CASR: variants seen among roughly 807,000 people sequenced by gnomAD.
The protein encoded by CASR is extracellular calcium-sensing receptor.
A neutral mutation model predicts 69.1 loss-of-function variants in CASR; 23 were observed. The observed-to-expected ratio is 0.33, with a 90% CI of 0.24 to 0.47. CASR has a LOEUF of 0.47. Ranked by LOEUF, CASR falls within the 20% of genes least tolerant of loss-of-function variation. CASR has a pLI of 1.00. For missense variants in CASR, 924 were observed against 1,356.1 expected (o/e 0.68, Z 5.00); for synonymous variants, 541 against 544.7 (o/e 0.99, Z 0.10).
In CASR at chr3:122,254,210, C is replaced by G. The variant is rs1381043518; in HGVS notation, c.21C>G (p.Cys7Trp). The part of the protein sequence containing the change: MAFYSC[C>W]WVLLALTWHT... The stretch of plus-strand genomic sequence containing the variant: ...GAACCATGGCATTTTATAGCTGCTG[C>G]TGGGTCCTCTTGGCACTCACCTGGC... Residue 7 changes from cysteine (C) to tryptophan (W), a missense_variant, in exon 2 of 7, where the codon TGC (cysteine) becomes TGG (tryptophan). Around this residue, in one of 8 missense-constraint regions of CASR, gnomAD observed 28 missense variants for 22.1 expected, o/e 1.27. Coordinates refer to ENST00000639785, the MANE Select transcript of CASR (RefSeq NM_000388.4). 3 of 1,613,340 alleles carry G rather than the reference C, an allele frequency of 1.9e-6. No individual in the cohort carries two copies. In the South Asian group the frequency reaches 3.3e-5, roughly 18 times the overall value.
intron 1 of CASR, among the ~76,000 whole-genome samples, chr3:122,237,959 G>T (rs1222459788): frequency 6.6e-6 from 1 of 152,138 alleles, no homozygotes; most frequent in Non-Finnish European, 1.5e-5. Context: ...TCACAAAAAG[G>T]CATGTTTAAG....
chr3:122,247,046 A>G (rs546401985), intron 1 of CASR: 1 of 152,198 alleles, frequency 6.6e-6, no homozygotes, highest in Non-Finnish European at 1.5e-5. Context: ...AGGGGCAGAC[A>G]TATCTCCCCA....
rs980627804 is a variant in CASR, at chr3:122,191,718, A to G, written c.-243+7906A>G. On this transcript the variant is annotated intron_variant, in intron 1 of 6. Coordinates refer to ENST00000639785, the MANE Select transcript of CASR (RefSeq NM_000388.4). ...CAAAAGGTTCAAATTTGTGAATATAAAGAACTCATAGAATTTAATAGGAAG... is the reference window on the plus strand; with the variant it reads ...CAAAAGGTTCAAATTTGTGAATATAGAGAACTCATAGAATTTAATAGGAAG... Among the ~76,000 whole-genome samples, 4 of 152,374 alleles carry G rather than the reference A, an allele frequency of 2.6e-5. No homozygotes were observed. The South Asian group carries it at 8.3e-4, about 32-fold the overall frequency.
intron 4 of CASR, among the ~76,000 whole-genome samples, chr3:122,266,871 G>T (rs1287553028): frequency 2.6e-5 from 4 of 152,238 alleles, no homozygotes; most frequent in Non-Finnish European, 1.5e-5. Context: ...GGGTGTGGTG[G>T]CAGGCACCTG....
intron 1 of CASR, among the ~76,000 whole-genome samples, chr3:122,207,498 T>C (rs1478459799): frequency 1.3e-5 from 2 of 152,002 alleles, no homozygotes; most frequent in Non-Finnish European, 2.9e-5. Flanking sequence ...GAAATAAAAC[T>C]AGAAATCAAT....
At chr3:122,234,815 G>A (rs186361536) in intron 1 of CASR, among the ~76,000 whole-genome samples, 2 of 152,326 alleles carry the variant, frequency 1.3e-5, no homozygotes, top group African/African-American at 4.8e-5. Flanking sequence ...TGTTCCTCCG[G>A]ACCAGCTTCG....
intron 4 of CASR, among the ~76,000 whole-genome samples, chr3:122,273,423 A>G (rs1394410133): frequency 2.0e-5 from 3 of 152,202 alleles, no homozygotes; most frequent in Non-Finnish European, 4.4e-5. Flanking sequence ...TATAGTATGT[A>G]TTAAGTATTA....
At chr3:122,244,280 T>C (rs886696536) in intron 1 of CASR, among the ~76,000 whole-genome samples, 2 of 152,026 alleles carry the variant, frequency 1.3e-5, no homozygotes, top group Non-Finnish European at 2.9e-5. Context: ...TATCAAAATA[T>C]CTCAGGTACC....
At position 122,216,418 on chromosome 3, in the gene CASR, G is replaced by A. The variant is rs994501903; in HGVS notation, c.-243+32606G>A. On this transcript the variant is annotated intron_variant, in intron 1 of 6. Transcript: ENST00000639785. The stretch of plus-strand genomic sequence containing the variant: ...GCTTCCTGCAACCTGTGTGGCAAAT[G>A]ACTTCAGTCTGGGGTGTCTATGGAA... 2.0e-5 allele frequency among the ~76,000 whole-genome samples: 3 copies of A among 152,182 alleles called. No homozygotes were observed. In the East Asian group the frequency reaches 5.8e-4, roughly 29 times the overall value.
At chr3:122,189,154 C>T (rs1222637282) in intron 1 of CASR, among the ~76,000 whole-genome samples, 10 of 152,236 alleles carry the variant, frequency 6.6e-5, no homozygotes, top group African/African-American at 2.2e-4. Context: ...AGATCAGCCT[C>T]TGCCGTGGAC....
chr3:122,274,568 C>G (rs2074794015), intron 4 of CASR, among the ~76,000 whole-genome samples: 1 of 152,046 alleles, frequency 6.6e-6, no homozygotes, highest in African/African-American at 2.4e-5. Flanking sequence ...AAATGTTGTC[C>G]CAGTGTGAGA....
At chr3:122,279,835 G>T (rs1015067251) in intron 5 of CASR, among the ~76,000 whole-genome samples, 1 of 152,048 alleles carries the variant, frequency 6.6e-6, no homozygotes, top group African/African-American at 2.4e-5. Context: ...ACATGTGCAG[G>T]ATGTGCAGGT....
intron 1 of CASR, among the ~76,000 whole-genome samples, chr3:122,240,665 C>T (rs2074371168): frequency 6.6e-6 from 1 of 152,172 alleles, no homozygotes; most frequent in Non-Finnish European, 1.5e-5. Flanking sequence ...ACTTAATCTG[C>T]AGTATGAAAC....
intron 1 of CASR, among the ~76,000 whole-genome samples, chr3:122,198,138 A>T (rs2073907879): frequency 6.6e-6 from 1 of 152,218 alleles, no homozygotes; most frequent in Non-Finnish European, 1.5e-5. Flanking sequence ...CTATTAAAAA[A>T]GTTTAGATGA....
chr3:122,270,904 A>G (rs2074750421), intron 4 of CASR, among the ~76,000 whole-genome samples: 2 of 152,304 alleles, frequency 1.3e-5, no homozygotes, highest in South Asian at 4.1e-4. Context: ...AACTTGCTTT[A>G]TAATCCAGAA....
At chr3:122,218,574 TA>T (rs1288069477) in intron 1 of CASR, among the ~76,000 whole-genome samples, 2 of 145,508 alleles carry the variant, frequency 1.4e-5, no homozygotes, top group Non-Finnish European at 3.0e-5. Flanking sequence ...ATTTACAAGG[TA>T]AAATCCACAA....
intron 6 of CASR, among the ~76,000 whole-genome samples, chr3:122,282,623 T>C (rs939768321): frequency 1.3e-4 from 20 of 152,230 alleles, no homozygotes; most frequent in African/African-American, 4.6e-4. Context: ...ACTTGTGTTT[T>C]TCCTGTTTCT....
chr3:122,211,126 A>G (rs895653153), intron 1 of CASR, among the ~76,000 whole-genome samples: 1 of 152,236 alleles, frequency 6.6e-6, no homozygotes, highest in Non-Finnish European at 1.5e-5. Flanking sequence ...ACCTAAAACT[A>G]TCAAAACCCT....
At chr3:122,201,323 T>G (rs2073948747) in intron 1 of CASR, among the ~76,000 whole-genome samples, 1 of 152,174 alleles carries the variant, frequency 6.6e-6, no homozygotes, top group Non-Finnish European at 1.5e-5. Flanking sequence ...GGGGGTAAGG[T>G]CATAGATCAA....
Sources: allele counts gnomAD v4.1 joint callset (sites outside exome capture counted in the v4.1 genomes callset), GRCh38; gene constraint gnomAD v4.1.1; regional missense constraint gnomAD v4.1.1; transcripts MANE v1.5; gene names NCBI Gene and HGNC (gene_info 2026-07-23, HGNC 2026-07-21).